PFKFB2: variants seen among roughly 807,000 people sequenced by gnomAD.
PFKFB2 encodes the protein 6-phosphofructo-2-kinase/fructose-2,6-biphosphatase 2.
Under a neutral mutation model 68.0 loss-of-function variants are expected in PFKFB2, and 53 were observed. That is an observed-to-expected ratio of 0.78 (90% CI 0.63 to 0.98). The LOEUF is 0.98. PFKFB2 is among the 50% of genes least tolerant of loss of function. PFKFB2 has a pLI of 0.00. For missense variants in PFKFB2, 451 were observed against 642.0 expected (o/e 0.70, Z 3.22); for synonymous variants, 222 against 227.6 (o/e 0.98, Z 0.22).
chr1:207,042,893 TA>T (rs1427228839), intron 2 of PFKFB2, among the ~76,000 whole-genome samples: 1 of 152,184 alleles, frequency 6.6e-6, no homozygotes, highest in Non-Finnish European at 1.5e-5. Flanking sequence ...TTAATAACTG[TA>T]AGTGGTGAGT....
Position 207,072,852 on chromosome 1 carries a change from T to G in PFKFB2, c.*481T>G. On this transcript the variant is annotated 3_prime_UTR_variant, in exon 15 of 15. Coordinates refer to ENST00000367080, the MANE Select transcript of PFKFB2 (RefSeq NM_006212.2). ...TCCTCACACTCCTTACTTGACTGCT[T>G]TCTTCCCCCACTTTCATGTCCCCTC... 1.0e-6 allele frequency: 1 copy of G among 990,070 alleles called. No homozygotes were observed. The highest frequency in any genetic ancestry group is 1.2e-6 in the Non-Finnish European group (1 of 833,102). 61.3% of individuals were successfully genotyped at this position (990,070 alleles called of 1,614,324 possible).
rs1426046829 is a variant in PFKFB2 at position 207,070,002 on chromosome 1, T to C, written c.1093-278T>C. On this transcript the variant is annotated intron_variant, in intron 11 of 14. Transcript: ENST00000367080. This position sits in a 1 kb window ranked among gnomAD's most constrained non-coding sequence, Gnocchi z 4.2. ...TCTCTTGTCTCACTGCCTGTATTAA[T>C]CTGTGGGAAGAAAAAACACACACAC... is the stretch of plus-strand genomic sequence containing the variant. 7.5e-6 allele frequency among the ~76,000 whole-genome samples: 1 copy of C among 133,938 alleles called. No individual in the cohort carries two copies. Among genetic ancestry groups the C allele is most frequent in the Non-Finnish European group, 1.7e-5 (1 of 58,646 alleles). The allele number at this position is 133,938 out of a possible 152,430, so 87.9% of individuals were successfully genotyped here. A position where few individuals can be genotyped will look rare whatever the true frequency, so the allele number is the denominator to read the frequency against.
intron 8 of PFKFB2, among the ~76,000 whole-genome samples, chr1:207,066,999 CA>C (rs1683310276): frequency 1.3e-5 from 2 of 152,194 alleles, no homozygotes; most frequent in East Asian, 3.9e-4. Context: ...GGCCTCAAAG[CA>C]AGCAATGTCT....
chr1:207,046,693 T>G (rs1054955777), intron 2 of PFKFB2: 1 of 152,102 alleles, frequency 6.6e-6, no homozygotes, highest in African/African-American at 2.4e-5. Flanking sequence ...ACTTAATATG[T>G]AAACAAAGCC....
downstream of PFKFB2, chr1:207,078,911 C>T (rs769204191): frequency 1.3e-6 from 2 of 1,525,910 alleles, no homozygotes; most frequent in Admixed American, 1.7e-5. Context: ...CGCTGCTTGG[C>T]AGTGCTGTAA....
In PFKFB2 at chr1:207,075,909, TC is replaced by T. The variant is rs1683609026; in HGVS notation, c.*3539del. 2 of 985,152 alleles carry T rather than the reference TC, an allele frequency of 2.0e-6. No homozygotes were observed. Among genetic ancestry groups the T allele is most frequent in the Non-Finnish European group, 2.4e-6 (2 of 829,656 alleles). 61.0% of individuals were successfully genotyped at this position (985,152 alleles called of 1,614,324 possible). ...CCTAATCCCTAAATTGTAATTTAGC[TC>T]TTATCTGTATTGTTGTTTTGTTTTG... On this transcript the variant is annotated 3_prime_UTR_variant, in exon 15 of 15. Coordinates refer to ENST00000367080, the MANE Select transcript of PFKFB2 (RefSeq NM_006212.2).
At chr1:207,041,575 TA>T (rs1682481217) in intron 1 of PFKFB2, among the ~76,000 whole-genome samples, 1 of 152,364 alleles carries the variant, frequency 6.6e-6, no homozygotes, top group Admixed American at 6.5e-5. Context: ...CATTCTTTTC[TA>T]TGGCTGCATA....
At chr1:207,042,799 G>A (rs1457057620) in intron 2 of PFKFB2, among the ~76,000 whole-genome samples, 1 of 152,014 alleles carries the variant, frequency 6.6e-6, no homozygotes, top group African/African-American at 2.4e-5. Flanking sequence ...AATATTCAAC[G>A]TTAGGATTTT....
At chr1:207,068,118 C>A (rs72741394) in intron 9 of PFKFB2, 45 bp from the exon 10 acceptor site, 2 of 874,864 alleles carry the variant, frequency 2.3e-6, no homozygotes, top group South Asian at 1.6e-5. Flanking sequence ...GTGTGTGTGT[C>A]TGTGTGTTTT....
chr1:207,063,136 A>C lies in PFKFB2; in HGVS notation c.309-7A>C. ...CTCCTTGCTGGTTTCATTTGCTCTT[A>C]TGGCAGACAGTGTGCTCTGGTGGCG... is the stretch of plus-strand genomic sequence containing the variant. On this transcript the variant is annotated splice_polypyrimidine_tract_variant and splice_region_variant and intron_variant, in intron 4 of 14. Coordinates refer to ENST00000367080, the MANE Select transcript of PFKFB2 (RefSeq NM_006212.2). The surrounding 1 kb of genome is among the most constrained non-coding windows in gnomAD (Gnocchi z 4.1). 6.2e-7 allele frequency: 1 copy of C among 1,613,118 alleles called. No homozygotes were observed. The highest frequency in any genetic ancestry group is 1.1e-5 in the South Asian group (1 of 91,056).
chr1:207,056,612 C>G (rs1303366617), intron 2 of PFKFB2, among the ~76,000 whole-genome samples: 1 of 151,698 alleles, frequency 6.6e-6, no homozygotes, highest in Non-Finnish European at 1.5e-5. Context: ...AGCAGTAATC[C>G]CTGGTTTCTT....
chr1:207,054,835 T>C (rs372428009), intron 2 of PFKFB2, 33 bp downstream of exon 2: 1 of 1,422,094 alleles, frequency 7.0e-7, no homozygotes, highest in South Asian at 1.2e-5. Flanking sequence ...GACTGCTCTC[T>C]CTCAGCATTT....
chr1:207,047,947 CAA>C (rs1682637737), intron 2 of PFKFB2: 1 of 152,018 alleles, frequency 6.6e-6, no homozygotes, highest in Admixed American at 6.5e-5. Flanking sequence ...AGCACAAAAG[CAA>C]ACACTCTTTA....
chr1:207,052,106 C>T (rs1370715133), upstream of PFKFB2: 2 of 1,263,968 alleles, frequency 1.6e-6, no homozygotes, highest in Non-Finnish European at 2.3e-6. Flanking sequence ...GTCCCACTTG[C>T]CAAGAGTGGG....
intron 2 of PFKFB2, chr1:207,045,904 C>T (rs1032944755): frequency 2.0e-5 from 3 of 152,040 alleles, no homozygotes; most frequent in East Asian, 3.8e-4. Flanking sequence ...AGCAGTCAAG[C>T]GTCAAGGGTA....
intron 2 of PFKFB2, among the ~76,000 whole-genome samples, chr1:207,061,129 C>CTTTTTATATA (rs1487570342): frequency 1.4e-5 from 1 of 69,948 alleles, no homozygotes; most frequent in Non-Finnish European, 2.9e-5. Context: ...TTATATATAT[C>CTTTTTATATA]TTTATATATA....
Position 207,074,785 on chromosome 1 carries a change from A to G in PFKFB2, c.*2414A>G. The G allele has an allele frequency of 1.0e-6, 1 of 985,400 alleles. No individual in the cohort carries two copies. The highest frequency in any genetic ancestry group is 1.7e-5 in the African/African-American group (1 of 57,334). 61.0% of individuals were successfully genotyped at this position (985,400 alleles called of 1,614,324 possible). A position where few individuals can be genotyped will look rare whatever the true frequency, so the allele number is the denominator to read the frequency against. ...TAAGAGACAGGACATGTAATTTATA[A>G]CAAATGGACATTTGCAATATAGCAA... On this transcript the variant is annotated 3_prime_UTR_variant, in exon 15 of 15. Transcript: ENST00000367080.
chr1:207,078,592 A>G (rs747363779), downstream of PFKFB2, among the ~76,000 whole-genome samples: 3 of 152,218 alleles, frequency 2.0e-5, no homozygotes, highest in Non-Finnish European at 4.4e-5. Flanking sequence ...CCCTGACTAC[A>G]GTGTCACTTT....
intron 14 of PFKFB2, 33 bp downstream of exon 14, chr1:207,071,606 T>G: frequency 6.5e-7 from 1 of 1,527,454 alleles, no homozygotes; most frequent in Middle Eastern, 1.7e-4. Context: ...CACACCAGTT[T>G]CCCTGCCACC....
Sources: gnomAD v4.1 joint callset for allele counts (sites outside exome capture counted in the v4.1 genomes callset) on GRCh38, gnomAD v4.1.1 for gene constraint, Gnocchi (gnomAD v3.1) non-coding constraint, MANE v1.5 for transcripts, NCBI Gene and HGNC (gene_info 2026-07-23, HGNC 2026-07-21) for gene names.